SFXN5: variants seen among roughly 807,000 people sequenced by gnomAD.
The protein encoded by SFXN5 is sideroflexin 5, also known as sideroflexin-5.
A neutral mutation model predicts 50.2 loss-of-function variants in SFXN5; 43 were observed. The ratio of observed to expected loss-of-function variants is 0.86; its 90% CI spans 0.67 to 1.11. The LOEUF (loss-of-function observed/expected upper bound fraction) is 1.11, where lower values mean the gene tolerates loss of function less well. SFXN5 is among the 50% of genes least tolerant of loss of function. The pLI is 0.00. For missense variants in SFXN5, 463 were observed against 454.1 expected, an observed-to-expected ratio of 1.02 and a Z score of -0.18; for synonymous variants, 203 against 185.8, an observed-to-expected ratio of 1.09 and a Z score of -0.75.
intron 9 of SFXN5, among the ~76,000 whole-genome samples, chr2:72,995,474 G>A (rs1236222035): frequency 6.6e-6 from 1 of 152,144 alleles, no homozygotes; most frequent in Non-Finnish European, 1.5e-5. Context: ...TGACTCCAGG[G>A]TTGCTGGCCA....
rs980970091 is a variant in SFXN5 at position 72,988,692 on chromosome 2, C to T, written c.535-344G>A. 7.2e-5 allele frequency among the ~76,000 whole-genome samples: 11 copies of T among 152,124 alleles called. 1 individual carries two copies. The highest frequency in any genetic ancestry group is 3.9e-4 in the East Asian group (2 of 5,182). On this transcript the variant is annotated intron_variant, in intron 9 of 13. Coordinates refer to ENST00000272433, the MANE Select transcript of SFXN5 (RefSeq NM_144579.3). ...GGGATAGGATGCTGTGGCAGTTGCT[C>T]GTAGAAGAATACATACTCCATGAAT...
chr2:72,974,604 C>T (rs548387810), intron 10 of SFXN5, among the ~76,000 whole-genome samples: 179 of 152,324 alleles, frequency 1.2e-3, no homozygotes, highest in Non-Finnish European at 2.1e-3. Flanking sequence ...GCAATCTCTT[C>T]TGTTGACTGT....
chr2:73,004,960 C>T (rs972134899), intron 6 of SFXN5, among the ~76,000 whole-genome samples: 9 of 152,340 alleles, frequency 5.9e-5, no homozygotes, highest in Admixed American at 3.3e-4. Context: ...CATTCCCTCC[C>T]GCTGCCCTTT....
At chr2:72,989,021 T>C (rs776790781) in intron 9 of SFXN5, among the ~76,000 whole-genome samples, 1 of 152,208 alleles carries the variant, frequency 6.6e-6, no homozygotes, top group African/African-American at 2.4e-5. Context: ...GGCTCTTTCA[T>C]CTTTCGAGAG....
intron 2 of SFXN5, among the ~76,000 whole-genome samples, chr2:73,056,245 G>T (rs745820300): frequency 2.0e-5 from 3 of 152,152 alleles, no homozygotes; most frequent in Non-Finnish European, 2.9e-5. Flanking sequence ...AGCCTGTTGT[G>T]GTGGCAGGTG....
intron 5 of SFXN5, among the ~76,000 whole-genome samples, chr2:73,021,155 G>T (rs1229327939): frequency 6.6e-6 from 1 of 152,118 alleles, no homozygotes; most frequent in African/African-American, 2.4e-5. Context: ...CCAGGCTCAG[G>T]GTGAGAGCCT....
At position 72,968,497 on chromosome 2, in the gene SFXN5, G is replaced by C. The variant is rs1452924931; in HGVS notation, c.778C>G (p.Pro260Ala). ...LETALTRVVL[P>A]MPILVLPPIV... ...GGGGGTAGCACCAGGATGGGCATGG[G>C]CAGGACCACTCGCGTCAGCGCCGTC... Residue 260 changes from proline (P) to alanine (A), a missense_variant, in exon 12 of 14, where the codon CCC (proline) becomes GCC (alanine). Physicochemically the swap from Pro to Ala is conservative, Grantham distance 27 (BLOSUM62 -1). Coordinates refer to ENST00000272433, the MANE Select transcript of SFXN5 (RefSeq NM_144579.3). 6.2e-7 allele frequency: 1 copy of C among 1,613,310 alleles called. No individual in the cohort carries two copies. The highest frequency in any genetic ancestry group is 1.7e-5 in the Admixed American group (1 of 60,020).
chr2:72,974,491 G>A (rs1670387852), intron 10 of SFXN5, among the ~76,000 whole-genome samples: 1 of 152,088 alleles, frequency 6.6e-6, no homozygotes, highest in Admixed American at 6.5e-5. Context: ...AAAAAACAGA[G>A]AAAACCCTAA....
At chr2:73,013,522 A>G (rs973847356) in intron 6 of SFXN5, among the ~76,000 whole-genome samples, 2 of 151,818 alleles carry the variant, frequency 1.3e-5, no homozygotes, top group Non-Finnish European at 2.9e-5. Flanking sequence ...TCTATAAGAC[A>G]ACCGCAAGAA....
chr2:72,955,771 T>C (rs1343053429), intron 13 of SFXN5, among the ~76,000 whole-genome samples: 1 of 152,188 alleles, frequency 6.6e-6, no homozygotes, highest in Non-Finnish European at 1.5e-5. Flanking sequence ...CCAGTGTATG[T>C]CTGTGTTGCA....
chr2:73,024,226 G>A (rs904590210), intron 3 of SFXN5, among the ~76,000 whole-genome samples: 1 of 152,036 alleles, frequency 6.6e-6, no homozygotes, highest in African/African-American at 2.4e-5. Context: ...GTTTCACCAT[G>A]TTGGTAAGGC....
intron 10 of SFXN5, among the ~76,000 whole-genome samples, chr2:72,987,529 A>G (rs1014008478): frequency 1.3e-4 from 19 of 151,718 alleles, no homozygotes; most frequent in African/African-American, 2.9e-4. Flanking sequence ...AGGGTGAGGC[A>G]GGTGGATCAT....
At chr2:73,037,666 T>A (rs915669138) in intron 3 of SFXN5, among the ~76,000 whole-genome samples, 3 of 152,156 alleles carry the variant, frequency 2.0e-5, no homozygotes, top group Non-Finnish European at 4.4e-5. Flanking sequence ...GAATCAGGAA[T>A]GAAACGGCAT....
chr2:73,020,639 C>G (rs1253660101), intron 5 of SFXN5: 1 of 202,904 alleles, frequency 4.9e-6, no homozygotes, highest in Non-Finnish European at 9.8e-6. Context: ...GGCTGAACAT[C>G]CTCCAAGGAC....
intron 2 of SFXN5, among the ~76,000 whole-genome samples, chr2:73,052,627 T>C (rs1156929812): frequency 6.6e-6 from 1 of 152,188 alleles, no homozygotes; most frequent in African/African-American, 2.4e-5. Flanking sequence ...CCCTTCATGA[T>C]GATAATCTGT....
chr2:73,067,478 G>T (rs989096146), intron 1 of SFXN5, among the ~76,000 whole-genome samples: 8 of 152,194 alleles, frequency 5.3e-5, no homozygotes, highest in African/African-American at 1.9e-4. Context: ...ATGTACTGTG[G>T]CAATGCAAGA....
chr2:73,030,218 T>A (rs1678127604), intron 3 of SFXN5, among the ~76,000 whole-genome samples: 1 of 152,162 alleles, frequency 6.6e-6, no homozygotes, highest in South Asian at 2.1e-4. Flanking sequence ...ACCACTTGCA[T>A]CCATCTCTAA....
intron 2 of SFXN5, among the ~76,000 whole-genome samples, chr2:73,052,339 A>AGAGT (rs145409392): frequency 4.4e-4 from 65 of 147,168 alleles, no homozygotes; most frequent in African/African-American, 1.7e-3. Context: ...TAAGAGAGAG[A>AGAGT]GTGTGTGTGT....
intron 6 of SFXN5, among the ~76,000 whole-genome samples, chr2:73,011,823 A>C (rs563909161): frequency 6.6e-6 from 1 of 152,376 alleles, no homozygotes; most frequent in African/African-American, 2.4e-5. Context: ...AAATTCAGCC[A>C]TATCTGTTAA....
Sources: allele counts gnomAD v4.1 joint callset (sites outside exome capture counted in the v4.1 genomes callset), GRCh38; gene constraint gnomAD v4.1.1; transcripts MANE v1.5; gene names NCBI Gene and HGNC (gene_info 2026-07-23, HGNC 2026-07-21).